CSMD1: variants seen among roughly 807,000 people sequenced by gnomAD.
CSMD1 encodes the protein CUB and sushi domain-containing protein 1.
Under a neutral mutation model 417.5 loss-of-function variants are expected in CSMD1, and 213 were observed. The ratio of observed to expected loss-of-function variants is 0.51; its 90% CI spans 0.46 to 0.57. The LOEUF (loss-of-function observed/expected upper bound fraction) is 0.57, where lower values mean the gene tolerates loss of function less well. CSMD1 is among the 20% of genes least tolerant of loss of function. The pLI is 0.00. For missense variants in CSMD1, 6,923 were observed against 4,529.7 expected (o/e 1.53, Z -15.17); for synonymous variants, 2,862 against 1,736.8 (o/e 1.65, Z -16.11).
intron 12 of CSMD1, among the ~76,000 whole-genome samples, chr8:3,447,030 G>A (rs1416180150): frequency 1.3e-5 from 2 of 152,154 alleles, no homozygotes; most frequent in Non-Finnish European, 2.9e-5. Flanking sequence ...TCATTTTCAG[G>A]AAGACAGAAA....
intron 3 of CSMD1, among the ~76,000 whole-genome samples, chr8:4,041,157 C>T (rs1162124071): frequency 6.6e-6 from 1 of 151,610 alleles, no homozygotes; most frequent in Non-Finnish European, 1.5e-5. Context: ...GCTGGGACTA[C>T]AGGCGCCCGC....
chr8:4,701,778 C>T (rs1210667384), intron 1 of CSMD1, among the ~76,000 whole-genome samples: 2 of 79,934 alleles, frequency 2.5e-5, no homozygotes, highest in East Asian at 4.0e-4. Context: ...TTTAGAAAAC[C>T]TTGGGTGGAA....
At chr8:4,480,082 G>C (rs948437293) in intron 2 of CSMD1, among the ~76,000 whole-genome samples, 1 of 151,584 alleles carries the variant, frequency 6.6e-6, no homozygotes, top group African/African-American at 2.4e-5. Flanking sequence ...GAAGTTTGAA[G>C]TAGCTGAACC....
chr8:4,160,675 C>G (rs867746694), intron 3 of CSMD1, among the ~76,000 whole-genome samples: 1 of 152,214 alleles, frequency 6.6e-6, no homozygotes, highest in East Asian at 1.9e-4. Context: ...CACATGTCCA[C>G]GCAATGTCCC....
At chr8:3,662,099 A>G (rs1162919993) in intron 7 of CSMD1, among the ~76,000 whole-genome samples, 2 of 152,182 alleles carry the variant, frequency 1.3e-5, no homozygotes, top group African/African-American at 4.8e-5. Flanking sequence ...GCATGCTTAA[A>G]GGGACATTAG....
chr8:3,326,894 T>G (rs574193221), intron 23 of CSMD1, among the ~76,000 whole-genome samples: 5 of 152,140 alleles, frequency 3.3e-5, no homozygotes, highest in Non-Finnish European at 5.9e-5. Flanking sequence ...CTTGATACAT[T>G]GATAGGAAAG....
chr8:3,189,873 C>T, intron 34 of CSMD1, 39 bp downstream of exon 34: 1 of 1,510,902 alleles, frequency 6.6e-7, no homozygotes, highest in Non-Finnish European at 9.0e-7. Context: ...GGCACCACCA[C>T]AGAGTTCTGG....
At chr8:3,135,129 T>G (rs1274977453) in intron 41 of CSMD1, among the ~76,000 whole-genome samples, 8 of 152,190 alleles carry the variant, frequency 5.3e-5, no homozygotes, top group Admixed American at 6.5e-5. Flanking sequence ...TTACCCAGGC[T>G]GGTCTTGAAC....
intron 68 of CSMD1, among the ~76,000 whole-genome samples, chr8:2,943,168 G>C (rs1802005226): frequency 6.6e-6 from 1 of 151,746 alleles, no homozygotes; most frequent in Non-Finnish European, 1.5e-5. Flanking sequence ...CACAATGCAA[G>C]TTTCCATGAA....
intron 7 of CSMD1, among the ~76,000 whole-genome samples, chr8:3,659,172 TC>T (rs1205062974): frequency 6.6e-6 from 1 of 152,220 alleles, no homozygotes; most frequent in East Asian, 1.9e-4. Flanking sequence ...TGGAATCATT[TC>T]TACGAAGCAA....
intron 2 of CSMD1, among the ~76,000 whole-genome samples, chr8:4,453,362 T>A (rs74962223): frequency 0.12 from 17,717 of 152,220 alleles, 1,185 homozygotes; most frequent in South Asian, 0.22. Flanking sequence ...TCTGCTGGGA[T>A]TGGGGGTCTC....
intron 10 of CSMD1, among the ~76,000 whole-genome samples, chr8:3,557,901 A>G (rs73658187): frequency 1.3e-5 from 2 of 152,116 alleles, no homozygotes; most frequent in Non-Finnish European, 2.9e-5. Flanking sequence ...ATAATAAGTT[A>G]TACGGTCAAC....
chr8:4,783,723 G>A (rs766230429), intron 1 of CSMD1, among the ~76,000 whole-genome samples: 39 of 152,266 alleles, frequency 2.6e-4, no homozygotes, highest in Non-Finnish European at 4.9e-4. Flanking sequence ...CCAAACTTGA[G>A]TGGAAACTGC....
chr8:4,276,556 C>A (rs1460830026), intron 3 of CSMD1, among the ~76,000 whole-genome samples: 1 of 151,978 alleles, frequency 6.6e-6, no homozygotes, highest in Admixed American at 6.6e-5. Context: ...CAAACCTGCA[C>A]GTTCTGCACA....
chr8:4,023,841 T>C (rs1368202153), intron 4 of CSMD1, among the ~76,000 whole-genome samples: 5 of 143,034 alleles, frequency 3.5e-5, no homozygotes, highest in Non-Finnish European at 6.0e-5. Context: ...ATGGCCTCGA[T>C]CTCCTGACCT....
intron 2 of CSMD1, among the ~76,000 whole-genome samples, chr8:4,451,549 A>G (rs1359069841): frequency 6.6e-6 from 1 of 152,152 alleles, no homozygotes; most frequent in Non-Finnish European, 1.5e-5. Context: ...CTGGAAAGGT[A>G]AAGGGTGAGC....
At chr8:4,304,205 A>G (rs1003293774) in intron 3 of CSMD1, among the ~76,000 whole-genome samples, 1 of 152,214 alleles carries the variant, frequency 6.6e-6, no homozygotes, top group Non-Finnish European at 1.5e-5. Flanking sequence ...GTTTTGATGA[A>G]AAGAGATTTA....
chr8:3,614,986 C>T (rs1047261440), intron 8 of CSMD1, among the ~76,000 whole-genome samples: 3 of 152,172 alleles, frequency 2.0e-5, no homozygotes, highest in Non-Finnish European at 2.9e-5. Context: ...GGAAGGAATA[C>T]ATAGAATGGG....
chr8:3,798,058 A>C (rs952952205), intron 5 of CSMD1, among the ~76,000 whole-genome samples: 1 of 151,926 alleles, frequency 6.6e-6, no homozygotes, highest in Non-Finnish European at 1.5e-5. Flanking sequence ...TTTCTTCTTA[A>C]TAATCCATTG....
Sources: gnomAD v4.1 joint callset for allele counts (sites outside exome capture counted in the v4.1 genomes callset) on GRCh38, gnomAD v4.1.1 for gene constraint, MANE v1.5 for transcripts, NCBI Gene and HGNC (gene_info 2026-07-23, HGNC 2026-07-21) for gene names.